The following BSN variants were observed in gnomAD, a reference collection of about 807,000 sequenced individuals.
BSN encodes bassoon presynaptic cytomatrix protein.
In BSN, 57 loss-of-function variants were observed where a neutral mutation model predicts 264.8. That is an observed-to-expected ratio of 0.22 (90% CI 0.17 to 0.27). The LOEUF (loss-of-function observed/expected upper bound fraction) is 0.27. Among genes scored for constraint, BSN ranks in the 10% least tolerant of loss-of-function variants. The pLI is 1.00. For missense variants in BSN, 4,615 were observed against 5,232.5 expected, an observed-to-expected ratio of 0.88 and a Z score of 3.64; for synonymous variants, 2,059 against 2,137.3, an observed-to-expected ratio of 0.96 and a Z score of 1.01.
rs1559607969 is a variant in BSN at position 49,624,317 on chromosome 3, T to TTTTTTTTTTTTTC, written c.225-658_225-657insTTTTTTTTTTTTC. 1.0e-4 allele frequency among the ~76,000 whole-genome samples: 13 copies of TTTTTTTTTTTTTC among 127,788 alleles called. 2 individuals carry two copies. Among genetic ancestry groups the TTTTTTTTTTTTTC allele is most frequent in the Non-Finnish European group, 1.8e-4 (11 of 60,228 alleles). 83.8% of individuals were successfully genotyped at this position (127,788 alleles called of 152,430 possible). A position where few individuals can be genotyped will look rare whatever the true frequency, so the allele number is the denominator to read the frequency against. ...TGCCCAGCCTTTTTTTTTTTTTTTT[T>TTTTTTTTTTTTTC]AGACAGGGTCTCACTCTGTTGCCCA... On this transcript the variant is annotated intron_variant, in intron 1 of 11. Coordinates refer to ENST00000296452, the MANE Select transcript of BSN (RefSeq NM_003458.4).
At chr3:49,564,277 C>T (rs992547266) in intron 1 of BSN, among the ~76,000 whole-genome samples, 2 of 152,178 alleles carry the variant, frequency 1.3e-5, no homozygotes, top group South Asian at 4.1e-4. Flanking sequence ...AGCTTTTGGG[C>T]AGCTACTCCC....
chr3:49,605,525 A>T (rs1239457046), intron 1 of BSN, among the ~76,000 whole-genome samples: 2 of 5,390 alleles, frequency 3.7e-4, no homozygotes, highest in African/African-American at 1.2e-3. Context: ...TATATATATA[A>T]TATATAATAT....
rs1362083752 is a variant in BSN at position 49,657,797 on chromosome 3, C to G, written c.8241C>G (p.Ile2747Met). ...CCATCAGCCCCTACCTGCCTGGCATCCAGATCGTCACCCCAGGGCCTCTGG... is the reference window on the plus strand; with the variant it reads ...CCATCAGCCCCTACCTGCCTGGCATGCAGATCGTCACCCCAGGGCCTCTGG... Reference protein sequence around the residue: ...PTAISPYLPGIQIVTPGPLGR... With the variant: ...PTAISPYLPGMQIVTPGPLGR... Residue 2747 changes from isoleucine (I) to methionine (M), a missense_variant, in exon 5 of 12, where the codon ATC (isoleucine) becomes ATG (methionine). Physicochemically the swap from Ile to Met is conservative, Grantham distance 10. This residue lies in a region of BSN where 3,415 missense variants were observed against 3,866.4 expected (regional missense o/e 0.88). Coordinates refer to ENST00000296452, the MANE Select transcript of BSN (RefSeq NM_003458.4). The G allele has an allele frequency of 3.2e-6, 5 of 1,574,094 alleles. No homozygotes were observed. Among genetic ancestry groups the G allele is most frequent in the Non-Finnish European group, 4.3e-6 (5 of 1,158,506 alleles).
chr3:49,610,764 C>G (rs988290952), intron 1 of BSN, among the ~76,000 whole-genome samples: 5 of 152,062 alleles, frequency 3.3e-5, no homozygotes, highest in African/African-American at 9.7e-5. Context: ...GCAGGGTTTC[C>G]CTGGAAGTCT....
Position 49,655,432 on chromosome 3 carries a change from G to A in BSN, c.5876G>A (p.Gly1959Glu), listed in dbSNP as rs2052590404. 1 of 1,569,804 alleles carries A rather than the reference G, an allele frequency of 6.4e-7. No homozygotes were observed. The highest frequency in any genetic ancestry group is 1.8e-5 in the Admixed American group (1 of 56,390). Residue 1959 changes from glycine to glutamate, a missense_variant, in exon 5 of 12, where the codon GGG becomes GAG. Transcript: ENST00000296452. ...PPEPPTYRAQ[G>E]VVGPGPHEEQ... ...GAGCCCCCAACCTACCGGGCACAGG[G>A]GGTGGTGGGGCCTGGGCCCCATGAG...
At chr3:49,609,268 A>ATT (rs879332745) in intron 1 of BSN, among the ~76,000 whole-genome samples, 8 of 140,808 alleles carry the variant, frequency 5.7e-5, no homozygotes, top group Non-Finnish European at 7.8e-5. Flanking sequence ...TGCTTGGCTA[A>ATT]TTTTTTTTTT....
At chr3:49,596,962 A>T (rs942579709) in intron 1 of BSN, among the ~76,000 whole-genome samples, 2 of 152,168 alleles carry the variant, frequency 1.3e-5, no homozygotes, top group Admixed American at 6.5e-5. Flanking sequence ...ATGGATTTTC[A>T]AAAGTTAAAC....
In BSN at chr3:49,554,689, C is replaced by T. The variant is rs2051649927; in HGVS notation, c.87C>T (p.Pro29=). The stretch of plus-strand genomic sequence containing the variant: ...CCGGCCCCGGCCCGGGCCCCGGCCC[C>T]GGCCCCGGCGCAGGAAAGCCGCCTT... ...GGAGPGPGPG[P]GPGAGKPPSA... Residue 29 remains proline (P), a synonymous_variant, in exon 1 of 12, where the codon CCC becomes CCT. Transcript: ENST00000296452. The T allele has an allele frequency of 4.6e-6, 5 of 1,082,200 alleles. No homozygotes were observed. Among genetic ancestry groups the T allele is most frequent in the Non-Finnish European group, 3.4e-6 (3 of 890,652 alleles). The allele number at this position is 1,082,200 out of a possible 1,614,324, so 67.0% of individuals were successfully genotyped here. A position where few individuals can be genotyped will look rare whatever the true frequency, so the allele number is the denominator to read the frequency against.
chr3:49,642,938 C>G lies in BSN; in HGVS notation c.1304C>G (p.Thr435Arg). The change falls in exon 3 of 12, where the codon ACA (threonine) becomes AGA (arginine). Residue 435 changes from threonine to arginine, a missense_variant. Transcript: ENST00000296452. This position sits in a 1 kb window ranked among gnomAD's most constrained non-coding sequence, Gnocchi z 7.0. ...GGAGCCCTGCCGAAAACTGGGGGAA[C>G]AACCAGTCCAAAGCATGGCAGAGCA... ...GPGALPKTGGTTSPKHGRAEH... is the reference protein window; with the variant it reads ...GPGALPKTGGRTSPKHGRAEH... 1.2e-6 allele frequency: 2 copies of G among 1,614,090 alleles called. No individual in the cohort carries two copies. Among genetic ancestry groups the G allele is most frequent in the Non-Finnish European group, 1.7e-6 (2 of 1,180,038 alleles).
Position 49,642,304 on chromosome 3 carries a change from A to G in BSN, c.670A>G (p.Arg224Gly). Reference sequence around the variant, plus strand: ...GCTCTGTCTGAACTGTCAGATGCAGAGGGCTCTGGGAATGGACATGACCAC... The same window carrying G: ...GCTCTGTCTGAACTGTCAGATGCAGGGGGCTCTGGGAATGGACATGACCAC... Reference protein sequence around the residue: ...EWLCLNCQMQRALGMDMTTAP... With the variant: ...EWLCLNCQMQGALGMDMTTAP... The change falls in exon 3 of 12, where the codon AGG (arginine) becomes GGG (glycine). Residue 224 changes from arginine to glycine, a missense_variant. By Grantham distance (125) the Arg-to-Gly change is moderately radical. Around this residue, in one of 3 missense-constraint regions of BSN, gnomAD observed 1,197 missense variants for 1,348.0 expected, o/e 0.89. Coordinates refer to ENST00000296452, the MANE Select transcript of BSN (RefSeq NM_003458.4). This position sits in a 1 kb window ranked among gnomAD's most constrained non-coding sequence, Gnocchi z 7.0. 1 of 1,567,632 alleles carries G rather than the reference A, an allele frequency of 6.4e-7. No homozygotes were observed. Among genetic ancestry groups the G allele is most frequent in the Non-Finnish European group, 8.6e-7 (1 of 1,159,820 alleles).
At chr3:49,605,516 A>ATATAT in intron 1 of BSN, among the ~76,000 whole-genome samples, 1 of 1,078 alleles carries the variant, frequency 9.3e-4, no homozygotes, top group Non-Finnish European at 1.4e-3. Context: ...ATTATATAAT[A>ATATAT]TATATATAAT....
Position 49,662,216 on chromosome 3 carries a change from C to T in BSN, c.10371C>T (p.His3457=), listed in dbSNP as rs780135485. The T allele has an allele frequency of 6.8e-6, 11 of 1,613,468 alleles. No homozygotes were observed. Among genetic ancestry groups the T allele is most frequent in the East Asian group, 6.7e-5 (3 of 44,880 alleles). ...SAYSGEKLSS[H]DFSGWGKGYE... ...ACAGTGGGGAGAAGCTGTCCAGCCA[C>T]GACTTCAGTGGCTGGGGCAAGGGGT... Residue 3457 remains histidine, a synonymous_variant, in exon 6 of 12, where the codon CAC becomes CAT. Transcript: ENST00000296452.
intron 1 of BSN, among the ~76,000 whole-genome samples, chr3:49,605,326 T>G (rs1201834919): frequency 1.1e-5 from 1 of 93,910 alleles, no homozygotes; most frequent in Admixed American, 1.9e-4. Flanking sequence ...TATATATATA[T>G]TTATAAATAT....
intron 1 of BSN, among the ~76,000 whole-genome samples, chr3:49,580,738 G>A (rs1003419510): frequency 1.3e-5 from 2 of 152,110 alleles, no homozygotes; most frequent in African/African-American, 4.8e-5. Flanking sequence ...GGATTTACAG[G>A]CATGAGCCAC....
chr3:49,621,134 T>A (rs1409965048), intron 1 of BSN, among the ~76,000 whole-genome samples: 1 of 152,086 alleles, frequency 6.6e-6, no homozygotes, highest in Non-Finnish European at 1.5e-5. Context: ...AGGGGGAAGA[T>A]CAGGGGCTCA....
At chr3:49,610,171 G>A (rs778631674) in intron 1 of BSN, among the ~76,000 whole-genome samples, 1 of 152,080 alleles carries the variant, frequency 6.6e-6, no homozygotes, top group Non-Finnish European at 1.5e-5. Context: ...CCAGACCACT[G>A]ACCCCTCCCA....
intron 2 of BSN, among the ~76,000 whole-genome samples, chr3:49,636,444 G>GGGTA (rs1310565331): frequency 6.6e-6 from 1 of 152,152 alleles, no homozygotes; most frequent in Non-Finnish European, 1.5e-5. Context: ...GTGTGTTACA[G>GGGTA]GGTACACCAG....
chr3:49,651,737 G>C lies in BSN; in HGVS notation c.2181G>C (p.Val727=), dbSNP rs2052542326. Residue 727 remains valine (V), a synonymous_variant, in exon 5 of 12, where the codon GTG becomes GTC. Transcript: ENST00000296452. The surrounding 1 kb of genome is among the most constrained non-coding windows in gnomAD (Gnocchi z 5.4). ...CCAGCCCCTCCGAGATCCACAAGGTGGGGAGCAGCATGCGGCCTTTGCTGC... is the reference window on the plus strand; with the variant it reads ...CCAGCCCCTCCGAGATCCACAAGGTCGGGAGCAGCATGCGGCCTTTGCTGC... ...HPPSPSEIHK[V]GSSMRPLLQA... 1 of 1,613,640 alleles carries C rather than the reference G, an allele frequency of 6.2e-7. No individual in the cohort carries two copies. The highest frequency in any genetic ancestry group is 8.5e-7 in the Non-Finnish European group (1 of 1,179,926).
Position 49,658,020 on chromosome 3 carries a change from G to A in BSN, c.8464G>A (p.Val2822Met), listed in dbSNP as rs754734296. 14 of 1,613,594 alleles carry A rather than the reference G, an allele frequency of 8.7e-6. No homozygotes were observed. Among genetic ancestry groups the A allele is most frequent in the Non-Finnish European group, 1.1e-5 (13 of 1,179,932 alleles). ...ASSERLNKAH[V>M]SPQKHFTADS... ...CAGTGAGAGGCTGAACAAAGCTCAC[G>A]TGAGTCCCCAGAAGCACTTCACGGC... The change falls in exon 5 of 12, where the codon GTG becomes ATG. Residue 2822 changes from valine to methionine, a missense_variant. Physicochemically the swap from Val to Met is conservative, Grantham distance 21. Coordinates refer to ENST00000296452, the MANE Select transcript of BSN (RefSeq NM_003458.4).
Sources: gnomAD v4.1 joint callset for allele counts (sites outside exome capture counted in the v4.1 genomes callset) on GRCh38, gnomAD v4.1.1 for gene constraint, gnomAD v4.1.1 regional missense constraint, Gnocchi (gnomAD v3.1) non-coding constraint, MANE v1.5 for transcripts, NCBI Gene and HGNC (gene_info 2026-07-23, HGNC 2026-07-21) for gene names.